The following MYO16 variants were observed in gnomAD, a reference collection of about 807,000 sequenced individuals.
MYO16 encodes the protein myosin XVI, also known as unconventional myosin-XVI.
MYO16 carries 94 observed loss-of-function variants against 205.3 expected under a neutral mutation model. The observed-to-expected ratio is 0.46, with a 90% confidence interval of 0.39 to 0.54. The LOEUF (loss-of-function observed/expected upper bound fraction) is 0.54. MYO16 is among the 20% of genes least tolerant of loss of function. The pLI is 0.00. For synonymous variants in MYO16, 988 were observed against 954.0 expected (o/e 1.04, Z -0.66); for missense variants, 2,315 against 2,387.5 (o/e 0.97, Z 0.63).
chr13:108,761,751 T>A (rs575396828), intron 4 of MYO16, among the ~76,000 whole-genome samples: 1 of 152,328 alleles, frequency 6.6e-6, no homozygotes, highest in Admixed American at 6.5e-5. Context: ...GGTCTGTTTG[T>A]CCCCACCTCC....
Position 109,206,856 on chromosome 13 carries a change from T to C in MYO16, c.*20T>C. The C allele has an allele frequency of 6.2e-7, 1 of 1,604,154 alleles. No individual in the cohort carries two copies. Reference sequence around the variant, plus strand: ...ATTTGATGTGGCCTGAACTGCAGACTTACAAAATAGAACTGCCTACTGATT... The same window carrying C: ...ATTTGATGTGGCCTGAACTGCAGACCTACAAAATAGAACTGCCTACTGATT... On this transcript the variant is annotated 3_prime_UTR_variant, in exon 35 of 35. Coordinates refer to ENST00000457511, the MANE Select transcript of MYO16 (RefSeq NM_001198950.3).
At chr13:108,579,654 T>C in the MYO16 span, among the ~76,000 whole-genome samples, 1 of 152,168 alleles carries the variant, frequency 6.6e-6, no homozygotes, top group Non-Finnish European at 1.5e-5. Flanking sequence ...TTGGCCAGGC[T>C]GGTCTCAAAC....
At position 109,141,393 on chromosome 13, in the gene MYO16, T is replaced by TC. The variant is rs760880014; in HGVS notation, c.5164+23dup. ...AAGCAGAAGGTAAGCGGAGCAGACA[T>TC]CCCCCCACTCCTTTTGCATGGACGC... On this transcript the variant is annotated intron_variant, in intron 32 of 34. Transcript: ENST00000457511. This position sits in a 1 kb window ranked among gnomAD's most constrained non-coding sequence, Gnocchi z 4.1. 23 of 1,430,712 alleles carry TC rather than the reference T, an allele frequency of 1.6e-5. No homozygotes were observed. The highest frequency in any genetic ancestry group is 1.9e-5 in the Non-Finnish European group (21 of 1,081,784). The allele number at this position is 1,430,712 out of a possible 1,614,324, so 88.6% of individuals were successfully genotyped here.
intron 7 of MYO16, among the ~76,000 whole-genome samples, chr13:108,818,820 A>G (rs1875784880): frequency 6.6e-6 from 1 of 152,224 alleles, no homozygotes; most frequent in Admixed American, 6.5e-5. Context: ...AGAAAGTAAT[A>G]ACTTTAAAAA....
chr13:108,753,383 A>ACAAAAAAAAAC (rs1885313177), intron 4 of MYO16, among the ~76,000 whole-genome samples: 1 of 147,726 alleles, frequency 6.8e-6, no homozygotes, highest in African/African-American at 2.7e-5. Flanking sequence ...AAAAAAAAAA[A>ACAAAAAAAAAC]AAAAAAAAAA....
intron 1 of MYO16, among the ~76,000 whole-genome samples, chr13:108,602,601 A>G (rs1017375585): frequency 2.0e-5 from 3 of 152,172 alleles, no homozygotes; most frequent in African/African-American, 2.4e-5. Flanking sequence ...GTATGTTGCA[A>G]CTGTGGCCTA....
intron 2 of MYO16, among the ~76,000 whole-genome samples, chr13:108,667,055 G>A (rs895854912): frequency 1.2e-4 from 18 of 152,144 alleles, no homozygotes; most frequent in Admixed American, 5.2e-4. Context: ...CTCCGAAGCC[G>A]TTATTTTGAT....
intron 16 of MYO16, among the ~76,000 whole-genome samples, chr13:108,949,286 G>C (rs1004404197): frequency 6.6e-6 from 1 of 152,092 alleles, no homozygotes; most frequent in African/African-American, 2.4e-5. Flanking sequence ...GGAGTGCGAA[G>C]AACCAAGGAG....
intron 23 of MYO16, among the ~76,000 whole-genome samples, chr13:109,025,176 T>C (rs540588325): frequency 6.6e-6 from 1 of 152,262 alleles, no homozygotes; most frequent in South Asian, 2.1e-4. Context: ...GTCTTTTTAC[T>C]GGAAATTCAT....
At chr13:108,567,425 T>C in the MYO16 span, among the ~76,000 whole-genome samples, 2 of 152,242 alleles carry the variant, frequency 1.3e-5, no homozygotes, top group East Asian at 1.9e-4. Flanking sequence ...AAGATTTAAT[T>C]ATACCCGAAT....
intron 27 of MYO16, among the ~76,000 whole-genome samples, chr13:109,061,997 C>T (rs1887608345): frequency 6.6e-6 from 1 of 152,062 alleles, no homozygotes; most frequent in African/African-American, 2.4e-5. Flanking sequence ...CCAGCGTAAC[C>T]TTTGTTAGCT....
intron 6 of MYO16, among the ~76,000 whole-genome samples, chr13:108,800,405 C>G (rs1886936831): frequency 6.6e-6 from 1 of 152,160 alleles, no homozygotes; most frequent in African/African-American, 2.4e-5. Flanking sequence ...ACTAAGAGTG[C>G]TCTTTAAAAA....
chr13:108,805,957 T>TAAATAAATAAATAAATAAATAAAA (rs1053138109), intron 6 of MYO16, among the ~76,000 whole-genome samples: 5 of 151,224 alleles, frequency 3.3e-5, no homozygotes, highest in Admixed American at 1.3e-4. Flanking sequence ...AATAAATAAA[T>TAAATAAATAAATAAATAAATAAAA]AAAATTAGCT....
At chr13:108,650,333 T>C (rs1433254400) in intron 1 of MYO16, among the ~76,000 whole-genome samples, 6 of 152,214 alleles carry the variant, frequency 3.9e-5, no homozygotes, top group Non-Finnish European at 1.5e-5. Context: ...TTTTGCAATG[T>C]TGCTTCAGAC....
At chr13:108,530,921 C>A in the MYO16 span, among the ~76,000 whole-genome samples, 1 of 151,524 alleles carries the variant, frequency 6.6e-6, no homozygotes, top group Non-Finnish European at 1.5e-5. Flanking sequence ...GTTTTTCTTG[C>A]GTTTGTTTAT....
At chr13:108,620,151 C>T (rs1215692854) in intron 1 of MYO16, among the ~76,000 whole-genome samples, 6 of 152,058 alleles carry the variant, frequency 3.9e-5, no homozygotes, top group South Asian at 2.1e-4. Context: ...GAATCGATGC[C>T]TATGAAGATA....
intron 13 of MYO16, among the ~76,000 whole-genome samples, chr13:108,884,375 G>A (rs1472640156): frequency 1.3e-5 from 2 of 152,376 alleles, no homozygotes; most frequent in African/African-American, 2.4e-5. Context: ...TCCCAAGGAT[G>A]AGGAAGGTGC....
intron 4 of MYO16, among the ~76,000 whole-genome samples, chr13:108,770,179 CAATA>C (rs1263096919): frequency 3.3e-5 from 5 of 152,018 alleles, no homozygotes; most frequent in South Asian, 2.1e-4. Flanking sequence ...TAAATGCACT[CAATA>C]AATATTTTCA....
Position 108,759,628 on chromosome 13 carries a change from T to C in MYO16, c.508-26007T>C, listed in dbSNP as rs185875287. Among the ~76,000 whole-genome samples the C allele has an allele frequency of 4.2e-4, 64 of 152,214 alleles. No homozygotes were observed. The East Asian group carries it at 9.7e-3, about 23-fold the overall frequency. On this transcript the variant is annotated intron_variant, in intron 4 of 34. Coordinates refer to ENST00000457511, the MANE Select transcript of MYO16 (RefSeq NM_001198950.3). ...CGAGGTCAGGAGATTGAGACCATCC[T>C]GGCTAACACGGTGAAACCCCGTCTC...
Sources: allele counts gnomAD v4.1 joint callset (sites outside exome capture counted in the v4.1 genomes callset), GRCh38; gene constraint gnomAD v4.1.1; non-coding constraint Gnocchi (gnomAD v3.1); transcripts MANE v1.5; gene names NCBI Gene and HGNC (gene_info 2026-07-23, HGNC 2026-07-21).